DLGAP1: variants seen among roughly 807,000 people sequenced by gnomAD.
The protein encoded by DLGAP1 is disks large-associated protein 1.
Under a neutral mutation model 90.8 loss-of-function variants are expected in DLGAP1, and 11 were observed. That is an observed-to-expected ratio of 0.12 (90% CI 0.08 to 0.20). The LOEUF (loss-of-function observed/expected upper bound fraction) is 0.20. Ranked by LOEUF, DLGAP1 falls within the 10% of genes least tolerant of loss-of-function variation. The pLI is 1.00. For synonymous variants in DLGAP1, 558 were observed against 540.7 expected, an observed-to-expected ratio of 1.03 and a Z score of -0.44; for missense variants, 1,050 against 1,333.8, an observed-to-expected ratio of 0.79 and a Z score of 3.31.
chr18:4,080,496 CTCTGTTGG>C (rs949241376), intron 2 of DLGAP1, among the ~76,000 whole-genome samples: 1 of 149,494 alleles, frequency 6.7e-6, no homozygotes. Context: ...CTGCAAAGCT[CTCTGTTGG>C]GCAGAGATCT....
intron 2 of DLGAP1, among the ~76,000 whole-genome samples, chr18:4,117,140 C>G (rs1290058829): frequency 1.3e-5 from 2 of 152,140 alleles, no homozygotes; most frequent in Admixed American, 1.3e-4. Flanking sequence ...GTGAAGACCA[C>G]GTGGAGGGAG....
At chr18:3,686,311 C>T (rs576988542) in intron 7 of DLGAP1, among the ~76,000 whole-genome samples, 18 of 146,684 alleles carry the variant, frequency 1.2e-4, no homozygotes, top group African/African-American at 4.2e-4. Flanking sequence ...TCAAAAAGCA[C>T]TAGGAATCCC....
At chr18:3,892,400 T>C (rs2071493796) in intron 3 of DLGAP1, among the ~76,000 whole-genome samples, 3 of 152,176 alleles carry the variant, frequency 2.0e-5, no homozygotes, top group Admixed American at 2.0e-4. Context: ...GCTCCTTGTA[T>C]TCTTCCCCAC....
intron 1 of DLGAP1, among the ~76,000 whole-genome samples, chr18:4,233,443 G>A (rs2078340537): frequency 6.6e-6 from 1 of 152,164 alleles, no homozygotes; most frequent in Admixed American, 6.6e-5. Context: ...TGGAGTTATG[G>A]ATTTAGGGGG....
chr18:3,519,648 C>T (rs139871331), intron 10 of DLGAP1, among the ~76,000 whole-genome samples: 6 of 152,244 alleles, frequency 3.9e-5, no homozygotes, highest in Non-Finnish European at 7.4e-5. Flanking sequence ...CATGAGAGCT[C>T]GGCTGTCCTG....
intron 1 of DLGAP1, among the ~76,000 whole-genome samples, chr18:4,413,459 CTG>C (rs995918202): frequency 1.7e-4 from 26 of 152,284 alleles, no homozygotes; most frequent in African/African-American, 6.0e-4. Flanking sequence ...GATAAGGACT[CTG>C]GGGCAACTAC....
chr18:4,191,189 C>G (rs1223898861), intron 1 of DLGAP1, among the ~76,000 whole-genome samples: 1 of 152,060 alleles, frequency 6.6e-6, no homozygotes, highest in Admixed American at 6.6e-5. Flanking sequence ...ATGAAAATGA[C>G]ATTTTTCTCT....
At chr18:3,964,167 A>G (rs2073270897) in intron 3 of DLGAP1, among the ~76,000 whole-genome samples, 1 of 152,188 alleles carries the variant, frequency 6.6e-6, no homozygotes, top group African/African-American at 2.4e-5. Flanking sequence ...ATAAAACACA[A>G]AAGTGTAAGA....
chr18:3,840,128 T>C (rs551743626), intron 4 of DLGAP1, among the ~76,000 whole-genome samples: 1 of 152,358 alleles, frequency 6.6e-6, no homozygotes, highest in South Asian at 2.1e-4. Context: ...TTTAACCCTG[T>C]AATATCATCT....
intron 5 of DLGAP1, among the ~76,000 whole-genome samples, chr18:3,799,405 G>C (rs1489767317): frequency 6.6e-6 from 1 of 152,000 alleles, no homozygotes; most frequent in Non-Finnish European, 1.5e-5. Flanking sequence ...TTTCTTCATA[G>C]CGTTCCTCTC....
At chr18:4,188,043 A>G (rs548900057) in intron 1 of DLGAP1, among the ~76,000 whole-genome samples, 3 of 152,160 alleles carry the variant, frequency 2.0e-5, no homozygotes, top group East Asian at 3.9e-4. Context: ...TGTCAATTTA[A>G]TTTTATTGTT....
chr18:4,338,686 G>A (rs1245055429), intron 1 of DLGAP1, among the ~76,000 whole-genome samples: 2 of 152,196 alleles, frequency 1.3e-5, no homozygotes, highest in African/African-American at 4.8e-5. Context: ...GACGGTGAAT[G>A]AATAAGACAT....
intron 4 of DLGAP1, among the ~76,000 whole-genome samples, chr18:3,865,211 T>C (rs2070312784): frequency 6.6e-6 from 1 of 152,188 alleles, no homozygotes; most frequent in African/African-American, 2.4e-5. Context: ...AAGCAAAGAA[T>C]ATTAAATGGG....
intron 5 of DLGAP1, among the ~76,000 whole-genome samples, chr18:3,793,480 T>C (rs532911267): frequency 8.1e-4 from 124 of 152,260 alleles, no homozygotes; most frequent in African/African-American, 2.9e-3. Context: ...ACCCAAAGTA[T>C]TGACTTCCAT....
intron 5 of DLGAP1, among the ~76,000 whole-genome samples, chr18:3,743,690 G>T (rs531676027): frequency 1.4e-5 from 2 of 146,328 alleles, no homozygotes; most frequent in East Asian, 4.1e-4. Context: ...TTGCTCTGTC[G>T]TCCAGGCTGG....
intron 3 of DLGAP1, among the ~76,000 whole-genome samples, chr18:3,918,004 A>AATC (rs2148906091): frequency 6.6e-6 from 1 of 152,340 alleles, no homozygotes; most frequent in East Asian, 1.9e-4. Flanking sequence ...CCTCCTTCAT[A>AATC]ATCATCAGCA....
chr18:4,385,880 T>C lies in DLGAP1; in HGVS notation c.-267+69126A>G, dbSNP rs556743344. 5.9e-5 allele frequency among the ~76,000 whole-genome samples: 9 copies of C among 152,316 alleles called. No individual in the cohort carries two copies. The South Asian group carries it at 1.9e-3, about 32-fold the overall frequency. On this transcript the variant is annotated intron_variant, in intron 1 of 12. Transcript: ENST00000315677. ...AATTGGCACTAATGTTATGCTGTTG[T>C]TGAAATCACTTTTGTAGAGAATATG...
chr18:4,240,496 T>C (rs2078510288), intron 1 of DLGAP1, among the ~76,000 whole-genome samples: 1 of 152,186 alleles, frequency 6.6e-6, no homozygotes, highest in East Asian at 1.9e-4. Context: ...AGACTAATTA[T>C]AATCTCTTGA....
intron 7 of DLGAP1, among the ~76,000 whole-genome samples, chr18:3,648,497 C>A (rs891216706): frequency 4.6e-5 from 7 of 152,168 alleles, no homozygotes; most frequent in Non-Finnish European, 1.0e-4. Flanking sequence ...CAGCAGTTGT[C>A]TACATTATGG....
Sources: gnomAD v4.1 joint callset for allele counts (sites outside exome capture counted in the v4.1 genomes callset) on GRCh38, gnomAD v4.1.1 for gene constraint, MANE v1.5 for transcripts, NCBI Gene and HGNC (gene_info 2026-07-23, HGNC 2026-07-21) for gene names.